TANC2: variants seen among roughly 807,000 people sequenced by gnomAD.
The protein encoded by TANC2 is protein TANC2.
A neutral mutation model predicts 210.5 loss-of-function variants in TANC2; 26 were observed. That is an observed-to-expected ratio of 0.12 (90% CI 0.09 to 0.17). TANC2 has a LOEUF of 0.17. Ranked by LOEUF, TANC2 falls within the 10% of genes least tolerant of loss-of-function variation. The pLI, the probability that TANC2 is intolerant of heterozygous loss-of-function variation, is 1.00. For synonymous variants in TANC2, 931 were observed against 967.1 expected, an observed-to-expected ratio of 0.96 and a Z score of 0.69; for missense variants, 2,129 against 2,608.9, an observed-to-expected ratio of 0.82 and a Z score of 4.01.
chr17:62,994,369 T>G (rs1050332125), intron 1 of TANC2, among the ~76,000 whole-genome samples: 6 of 151,556 alleles, frequency 4.0e-5, no homozygotes, highest in Non-Finnish European at 8.8e-5. Flanking sequence ...TTTTTGTATT[T>G]TTAGTAGAGA....
At chr17:63,221,983 GTC>G (rs1400686876) in intron 7 of TANC2, among the ~76,000 whole-genome samples, 1 of 152,174 alleles carries the variant, frequency 6.6e-6, no homozygotes, top group Admixed American at 6.5e-5. Context: ...GATGGCTGAG[GTC>G]TTAGTCCATT....
At chr17:63,157,638 G>T (rs1193919389) in intron 5 of TANC2, among the ~76,000 whole-genome samples, 1 of 151,856 alleles carries the variant, frequency 6.6e-6, no homozygotes, top group African/African-American at 2.4e-5. Flanking sequence ...AAATGGGGAT[G>T]ATAATATTAC....
intron 2 of TANC2, among the ~76,000 whole-genome samples, chr17:63,023,227 T>C (rs1387999195): frequency 6.6e-6 from 1 of 152,226 alleles, no homozygotes; most frequent in East Asian, 1.9e-4. Context: ...AGAACAGTTA[T>C]GTGGGCTGAG....
chr17:63,324,700 A>G (rs2045592100), intron 11 of TANC2, among the ~76,000 whole-genome samples: 3 of 152,172 alleles, frequency 2.0e-5, no homozygotes, highest in Non-Finnish European at 4.4e-5. Flanking sequence ...CCCAGATTTC[A>G]TCTACATTTG....
At chr17:63,119,869 A>T (rs1463250197) in intron 4 of TANC2, among the ~76,000 whole-genome samples, 1 of 152,036 alleles carries the variant, frequency 6.6e-6, no homozygotes, top group African/African-American at 2.4e-5. Flanking sequence ...TTTTTTAAAA[A>T]ATTAGCCAGG....
chr17:63,288,275 A>C (rs2044284578), intron 9 of TANC2, among the ~76,000 whole-genome samples: 2 of 152,194 alleles, frequency 1.3e-5, no homozygotes, highest in South Asian at 4.1e-4. Context: ...AATGTGTCAG[A>C]TTCTGACTGG....
chr17:63,114,382 ACT>A (rs1304091279), intron 4 of TANC2, among the ~76,000 whole-genome samples: 7 of 152,112 alleles, frequency 4.6e-5, no homozygotes, highest in African/African-American at 1.7e-4. Context: ...TTTACTCTTT[ACT>A]CTCTTTTTCT....
At chr17:63,336,916 T>TAC (rs2046050907) in intron 11 of TANC2, among the ~76,000 whole-genome samples, 1 of 152,184 alleles carries the variant, frequency 6.6e-6, no homozygotes. Context: ...ATGATGACTT[T>TAC]CTCAAAGGTG....
At chr17:63,125,899 T>C (rs2038689947) in intron 4 of TANC2, among the ~76,000 whole-genome samples, 1 of 152,238 alleles carries the variant, frequency 6.6e-6, no homozygotes, top group African/African-American at 2.4e-5. Flanking sequence ...CGTAAGCTTA[T>C]CTTACATAGT....
intron 9 of TANC2, among the ~76,000 whole-genome samples, chr17:63,290,707 T>G (rs1377051434): frequency 6.6e-6 from 1 of 152,120 alleles, no homozygotes; most frequent in Non-Finnish European, 1.5e-5. Context: ...GTGGGAGGGT[T>G]AATCTAGTGC....
rs2048999018 is a variant in TANC2 at position 63,420,673 on chromosome 17, A to G, written c.4943A>G (p.Tyr1648Cys). ...TCCCAGTCTGGTTCACCCGTGCGCT[A>G]TCAGCAGGAAACAAGCGTCAGTCAG... Residue 1648 changes from tyrosine to cysteine, a missense_variant, in exon 28 of 28, where the codon TAT becomes TGT. Coordinates refer to ENST00000689528, the Ensembl canonical transcript of TANC2. This position sits in a 1 kb window ranked among gnomAD's most constrained non-coding sequence, Gnocchi z 4.2. 1.9e-6 allele frequency: 3 copies of G among 1,613,724 alleles called. No individual in the cohort carries two copies. The highest frequency in any genetic ancestry group is 2.2e-5 in the East Asian group (1 of 44,864).
At chr17:63,060,494 G>A (rs1243228575) in intron 2 of TANC2, among the ~76,000 whole-genome samples, 3 of 152,072 alleles carry the variant, frequency 2.0e-5, no homozygotes, top group Non-Finnish European at 2.9e-5. Flanking sequence ...GGTGGTGGGC[G>A]CCTGTAATCC....
At chr17:63,170,999 T>C (rs1266730323) in intron 5 of TANC2, among the ~76,000 whole-genome samples, 4 of 152,118 alleles carry the variant, frequency 2.6e-5, no homozygotes, top group Non-Finnish European at 4.4e-5. Flanking sequence ...TCTGTTGGCA[T>C]TAGATTGGGA....
chr17:63,330,332 G>C (rs976974417), intron 11 of TANC2, among the ~76,000 whole-genome samples: 2 of 152,190 alleles, frequency 1.3e-5, no homozygotes, highest in Non-Finnish European at 2.9e-5. Flanking sequence ...AAGTTATCCA[G>C]AAGATCCAGC....
chr17:63,183,206 T>C (rs1191071226), intron 5 of TANC2, among the ~76,000 whole-genome samples: 2 of 152,258 alleles, frequency 1.3e-5, no homozygotes, highest in African/African-American at 2.4e-5. Flanking sequence ...TGGATCTGCT[T>C]TTCCATTGTG....
chr17:63,415,789 T>A, intron 26 of TANC2, 115 bp downstream of exon 26: 1 of 1,294,118 alleles, frequency 7.7e-7, no homozygotes, highest in Non-Finnish European at 1.1e-6. Context: ...GGAACTTGGT[T>A]GTCCTTCACA....
rs1478385713 is a variant in TANC2, at chr17:63,077,757, C to G, written c.139+3743C>G. Among the ~76,000 whole-genome samples the G allele has an allele frequency of 3.9e-5, 6 of 152,204 alleles. No individual in the cohort carries two copies. The East Asian group carries it at 1.2e-3, about 29-fold the overall frequency. ...TAGTTGATGTCCAAGCCAGTCACCT[C>G]CAGTAGAAAACGTGATCAGTTTACT... On this transcript the variant is annotated intron_variant, in intron 3 of 27. Transcript: ENST00000689528.
chr17:62,978,052 T>C (rs1054257944), intron 1 of TANC2, among the ~76,000 whole-genome samples: 1 of 152,310 alleles, frequency 6.6e-6, no homozygotes, highest in East Asian at 1.9e-4. Context: ...TGAATAATAT[T>C]TTATAGTACA....
intron 5 of TANC2, among the ~76,000 whole-genome samples, chr17:63,166,012 C>T (rs1305055355): frequency 6.6e-6 from 1 of 152,188 alleles, no homozygotes; most frequent in Non-Finnish European, 1.5e-5. Flanking sequence ...GCCAAATAGT[C>T]ATCATCATAC....
Sources: allele counts gnomAD v4.1 joint callset (sites outside exome capture counted in the v4.1 genomes callset), GRCh38; gene constraint gnomAD v4.1.1; non-coding constraint Gnocchi (gnomAD v3.1); transcripts MANE v1.5; gene names NCBI Gene and HGNC (gene_info 2026-07-23, HGNC 2026-07-21).